DHX32: variants seen among roughly 807,000 people sequenced by gnomAD.
DHX32 encodes DEAH-box helicase 32 (putative).
In DHX32, 51 loss-of-function variants were observed where a neutral mutation model predicts 70.0. The observed-to-expected ratio is 0.73, with a 90% confidence interval of 0.58 to 0.92. The LOEUF (loss-of-function observed/expected upper bound fraction) is 0.92, where lower values mean the gene tolerates loss of function less well. DHX32 is among the 40% of genes least tolerant of loss of function. The probability of loss-of-function intolerance (pLI) is 0.00; values close to 1 mark genes in which losing one functional copy is unlikely to be tolerated. For synonymous variants in DHX32, 310 were observed against 315.3 expected (o/e 0.98, Z 0.18); for missense variants, 762 against 891.8 (o/e 0.85, Z 1.85).
rs541485819 is a variant in DHX32, at chr10:125,838,223, T to C, written c.2046A>G (p.Ser682=). The change falls in exon 10 of 11, where the codon TCA becomes TCG. Residue 682 remains serine (S), a synonymous_variant. Transcript: ENST00000284690. ...ISENNYIRIT[S]EISPELFMQL... ...AAACTTACAGTTCAGGAGAGATTTC[T>C]GAGGTAATCCTGATGTAGTTGTTCT... 2 of 1,605,870 alleles carry C rather than the reference T, an allele frequency of 1.2e-6. No individual in the cohort carries two copies. Among genetic ancestry groups the C allele is most frequent in the Admixed American group, 3.5e-5 (2 of 57,890 alleles).
At chr10:125,839,284 T>G in intron 8 of DHX32, 96 bp from the exon 9 acceptor site, 4 of 1,304,788 alleles carry the variant, frequency 3.1e-6, no homozygotes, top group Non-Finnish European at 4.2e-6. Context: ...CCCTGTGCTC[T>G]CCTCTCCTAC....
intron 6 of DHX32, among the ~76,000 whole-genome samples, chr10:125,846,418 T>C (rs985546372): frequency 1.3e-5 from 2 of 152,194 alleles, no homozygotes; most frequent in Non-Finnish European, 2.9e-5. Flanking sequence ...TAAAGGACTT[T>C]ATGTTTGGTG....
chr10:125,839,820 T>C (rs953781979), intron 8 of DHX32, among the ~76,000 whole-genome samples: 5 of 152,162 alleles, frequency 3.3e-5, no homozygotes, highest in Non-Finnish European at 4.4e-5. Context: ...GGAATGTACA[T>C]GGCCATGGCA....
At chr10:125,883,944 C>T (rs954461423), upstream of DHX32, among the ~76,000 whole-genome samples, 3 of 152,138 alleles carry the variant, frequency 2.0e-5, no homozygotes, top group African/African-American at 7.2e-5. Context: ...CTCTTCTCTG[C>T]CTTTCTAACC....
intron 8 of DHX32, among the ~76,000 whole-genome samples, chr10:125,840,250 G>C (rs1854834290): frequency 6.6e-6 from 1 of 152,152 alleles, no homozygotes; most frequent in Non-Finnish European, 1.5e-5. Flanking sequence ...GTACCTTCCT[G>C]TGACAGGTAA....
Position 125,854,175 on chromosome 10 carries a change from T to TA in DHX32, c.877dup (p.Tyr293LeufsTer5), listed in dbSNP as rs1225711003. ...ATCTGGGTTTAGGTTAGATCCTTGA[T>TA]AGACAGTTTCACAGACTTTCTCAAT... On this transcript the variant is annotated frameshift_variant, in exon 4 of 11. Transcript: ENST00000284690. LOFTEE classifies it high-confidence loss of function. 6.2e-7 allele frequency: 1 copy of TA among 1,611,748 alleles called. No homozygotes were observed. Among genetic ancestry groups the TA allele is most frequent in the African/African-American group, 1.3e-5 (1 of 74,726 alleles).
At chr10:125,853,884 A>G (rs1405801197) in intron 4 of DHX32, 77 bp downstream of exon 4, 2 of 1,525,866 alleles carry the variant, frequency 1.3e-6, no homozygotes, top group South Asian at 1.3e-5. Context: ...CTTCCTGATC[A>G]GTAAAATGGT....
chr10:125,840,894 C>T lies in DHX32; in HGVS notation c.1646G>A (p.Ser549Asn). 1 of 1,609,520 alleles carries T rather than the reference C, an allele frequency of 6.2e-7. No individual in the cohort carries two copies. Among genetic ancestry groups the T allele is most frequent in the Non-Finnish European group, 8.5e-7 (1 of 1,176,316 alleles). The change falls in exon 8 of 11, where the codon AGC (serine) becomes AAC (asparagine). Residue 549 changes from serine (S) to asparagine (N), a missense_variant. Transcript: ENST00000284690. ...HPEGDHFTLI[S>N]IYKAYQDTTL... Reference sequence around the variant, plus strand: ...TGTGTCTTGGTAAGCCTTGTAAATGCTGATGAGGGTAAAGTGATCTCCTTC... The same window carrying T: ...TGTGTCTTGGTAAGCCTTGTAAATGTTGATGAGGGTAAAGTGATCTCCTTC...
chr10:125,860,062 TCA>T, intron 2 of DHX32, 87 bp from the exon 3 acceptor site: 1 of 1,230,736 alleles, frequency 8.1e-7, no homozygotes, highest in Non-Finnish European at 1.1e-6. Flanking sequence ...TTTCCTATAT[TCA>T]TTTCTCTAAA....
chr10:125,873,926 TTTTTCATATC>T (rs1355058701), intron 1 of DHX32, among the ~76,000 whole-genome samples: 1 of 152,252 alleles, frequency 6.6e-6, no homozygotes, highest in African/African-American at 2.4e-5. Flanking sequence ...AAGTTAATTC[TTTTTCATATC>T]TTTTCATATC....
chr10:125,846,418 T>G (rs985546372), intron 6 of DHX32, among the ~76,000 whole-genome samples: 1 of 152,194 alleles, frequency 6.6e-6, no homozygotes, highest in Non-Finnish European at 1.5e-5. Context: ...TAAAGGACTT[T>G]ATGTTTGGTG....
chr10:125,889,238 A>G (rs915251929), intron 1 of DHX32, among the ~76,000 whole-genome samples: 7 of 152,206 alleles, frequency 4.6e-5, no homozygotes, highest in Admixed American at 4.6e-4. Flanking sequence ...GACTTCCTAA[A>G]GCCAAGATTA....
chr10:125,839,312 T>A, intron 8 of DHX32, 124 bp from the exon 9 acceptor site: 1 of 953,162 alleles, frequency 1.0e-6, no homozygotes, highest in Non-Finnish European at 1.5e-6. Context: ...GCCACGTAGG[T>A]GAGTGGCAGG....
chr10:125,871,306 A>C (rs1172267576), intron 1 of DHX32, among the ~76,000 whole-genome samples: 2 of 152,226 alleles, frequency 1.3e-5, no homozygotes, highest in Non-Finnish European at 2.9e-5. Context: ...AAAGACATTA[A>C]TTCAGAAATG....
In DHX32 at chr10:125,848,931, T is replaced by C. The variant is rs567491860; in HGVS notation, c.1351+3362A>G. On this transcript the variant is annotated intron_variant, in intron 6 of 10. Transcript: ENST00000284690. The stretch of plus-strand genomic sequence containing the variant: ...GCAATGAGAGTCCTAATTTACTGAA[T>C]AATACCCCACTAGCAAATGATGGGG... Among the ~76,000 whole-genome samples, 255 of 152,290 alleles carry C rather than the reference T, an allele frequency of 1.7e-3. 1 individual carries two copies. Among genetic ancestry groups the C allele is most frequent in the African/African-American group, 5.6e-3 (233 of 41,556 alleles).
chr10:125,841,311 A>T (rs1423270741), intron 7 of DHX32: 1 of 1,614,120 alleles, frequency 6.2e-7, no homozygotes, highest in Non-Finnish European at 8.5e-7. Context: ...GATTGGAACC[A>T]GTTCCGATAC....
chr10:125,888,332 T>C (rs1283030558), intron 1 of DHX32, among the ~76,000 whole-genome samples: 3 of 152,052 alleles, frequency 2.0e-5, no homozygotes, highest in East Asian at 1.9e-4. Flanking sequence ...GTCTCTCGAG[T>C]AGTGGGACTA....
chr10:125,879,015 GTTTTTTT>G (rs35025096), intron 1 of DHX32, among the ~76,000 whole-genome samples: 4 of 56,674 alleles, frequency 7.1e-5, no homozygotes, highest in East Asian at 5.7e-4. Context: ...GCCTTTTCTT[GTTTTTTT>G]TTTTTTTTTT....
intron 1 of DHX32, among the ~76,000 whole-genome samples, chr10:125,877,785 C>T (rs1429065436): frequency 3.9e-5 from 6 of 152,120 alleles, no homozygotes; most frequent in Admixed American, 3.3e-4. Flanking sequence ...AACTCCAATT[C>T]AGAAAGCTAC....
Sources: gnomAD v4.1 joint callset for allele counts (sites outside exome capture counted in the v4.1 genomes callset) on GRCh38, gnomAD v4.1.1 for gene constraint, MANE v1.5 for transcripts, NCBI Gene and HGNC (gene_info 2026-07-23, HGNC 2026-07-21) for gene names.